The following CPN1 variants were observed in gnomAD, a reference collection of about 807,000 sequenced individuals.
The protein encoded by CPN1 is carboxypeptidase N catalytic chain.
A neutral mutation model predicts 46.4 loss-of-function variants in CPN1; 37 were observed. The ratio of observed to expected loss-of-function variants is 0.80; its 90% CI spans 0.61 to 1.05. The LOEUF is 1.05. Among genes scored for constraint, CPN1 ranks in the 50% least tolerant of loss-of-function variants. CPN1 has a pLI of 0.00. For missense variants in CPN1, 563 were observed against 602.6 expected, an observed-to-expected ratio of 0.93 and a Z score of 0.69; for synonymous variants, 224 against 235.4, an observed-to-expected ratio of 0.95 and a Z score of 0.44.
rs755335719 is a variant in CPN1 at position 100,069,810 on chromosome 10, G to A, written c.480C>T (p.Asn160=). ...GRNNANGVDL[N]RNFPDLNTYI... ...AGGTATTGAGATCAGGGAAGTTGCG[G>A]TTCAGGTCCACTCCATTTGCATTGT... The change falls in exon 3 of 9, where the codon AAC becomes AAT. Residue 160 remains asparagine (N), a synonymous_variant. Transcript: ENST00000370418. The A allele has an allele frequency of 1.2e-6, 2 of 1,613,824 alleles. No individual in the cohort carries two copies. Among genetic ancestry groups the A allele is most frequent in the East Asian group, 2.2e-5 (1 of 44,862 alleles).
intron 2 of CPN1, among the ~76,000 whole-genome samples, chr10:100,070,450 A>G (rs1012060912): frequency 3.9e-5 from 6 of 152,080 alleles, no homozygotes; most frequent in African/African-American, 1.4e-4. Flanking sequence ...CCATTGCACT[A>G]CAGCCTGGGT....
chr10:100,069,129 T>C (rs1276831329), intron 3 of CPN1, among the ~76,000 whole-genome samples: 2 of 152,194 alleles, frequency 1.3e-5, no homozygotes, highest in Non-Finnish European at 2.9e-5. Flanking sequence ...TCTGGAAAAT[T>C]GTTAAGAACC....
At chr10:100,064,532 C>T (rs1021529871) in intron 4 of CPN1, among the ~76,000 whole-genome samples, 3 of 151,342 alleles carry the variant, frequency 2.0e-5, no homozygotes, top group Non-Finnish European at 2.9e-5. Context: ...AGGCACCCAC[C>T]ACCGTGCCTG....
At chr10:100,048,981 C>G (rs765185357) in intron 7 of CPN1, 105 bp from the exon 8 acceptor site, 2 of 802,886 alleles carry the variant, frequency 2.5e-6, no homozygotes, top group East Asian at 3.0e-5. Context: ...TTTTTTGAGA[C>G]GGGGTCTTGC....
intron 1 of CPN1, 79 bp from the exon 2 acceptor site, chr10:100,076,186 T>C (rs1194419553): frequency 1.5e-6 from 2 of 1,368,466 alleles, no homozygotes; most frequent in Non-Finnish European, 2.1e-6. Flanking sequence ...TTTTTCTCTT[T>C]TTCAGTAACG....
chr10:100,043,932 T>C (rs1396858119), intron 8 of CPN1, among the ~76,000 whole-genome samples: 1 of 152,122 alleles, frequency 6.6e-6, no homozygotes, highest in African/African-American at 2.4e-5. Flanking sequence ...TGTGGGACAT[T>C]CTGGGTGTGG....
chr10:100,079,851 A>G (rs2041534173), intron 1 of CPN1, among the ~76,000 whole-genome samples: 1 of 152,180 alleles, frequency 6.6e-6, no homozygotes. Context: ...TTGGGAGGCC[A>G]AGGCGGGTGG....
At chr10:100,064,209 A>C (rs570086819) in intron 4 of CPN1, among the ~76,000 whole-genome samples, 1 of 152,174 alleles carries the variant, frequency 6.6e-6, no homozygotes, top group South Asian at 2.1e-4. Context: ...GGAGAGGAAT[A>C]TATTTGAACT....
At chr10:100,068,193 T>A (rs1440882714) in intron 3 of CPN1, among the ~76,000 whole-genome samples, 3 of 143,620 alleles carry the variant, frequency 2.1e-5, no homozygotes, top group East Asian at 2.1e-4. Context: ...AAGAAAAAAC[T>A]AAGGGTTAGA....
intron 8 of CPN1, among the ~76,000 whole-genome samples, chr10:100,045,848 T>C (rs533127717): frequency 3.3e-5 from 5 of 152,100 alleles, no homozygotes; most frequent in South Asian, 2.1e-4. Flanking sequence ...ATTGTGTTAA[T>C]AGGGAAAGGT....
At chr10:100,075,850 C>T in intron 2 of CPN1, 61 bp downstream of exon 2, 7 of 1,537,982 alleles carry the variant, frequency 4.6e-6, no homozygotes, top group Non-Finnish European at 5.4e-6. Flanking sequence ...ATCTTGTCCA[C>T]TGGACTTTAT....
chr10:100,056,903 A>G (rs746044272), intron 6 of CPN1, 110 bp downstream of exon 6: 2 of 1,345,730 alleles, frequency 1.5e-6, no homozygotes, highest in African/African-American at 2.9e-5. Context: ...GCCCAGATCT[A>G]TTGGACTGAG....
intron 1 of CPN1, among the ~76,000 whole-genome samples, chr10:100,077,378 C>T (rs147957736): frequency 0.01 from 1,576 of 151,982 alleles, 10 homozygotes; most frequent in Non-Finnish European, 0.017. Context: ...CTACAGGTGC[C>T]TGCCACCACA....
At chr10:100,063,519 C>T (rs2041433358) in intron 5 of CPN1, 95 bp downstream of exon 5, 3 of 956,950 alleles carry the variant, frequency 3.1e-6, no homozygotes. Flanking sequence ...AAATTCTATG[C>T]TATTCCCATT....
intron 5 of CPN1, among the ~76,000 whole-genome samples, chr10:100,059,688 C>CA (rs1333674626): frequency 1.3e-5 from 2 of 151,460 alleles, no homozygotes; most frequent in African/African-American, 4.9e-5. Flanking sequence ...GGTAGTTCCT[C>CA]AAAAAAATTA....
At chr10:100,056,895 C>T (rs1184813398) in intron 6 of CPN1, 118 bp downstream of exon 6, 2 of 1,247,896 alleles carry the variant, frequency 1.6e-6, no homozygotes, top group East Asian at 4.6e-5. Flanking sequence ...AAGAAGACGC[C>T]CAGATCTATT....
rs1589481488 is a variant in CPN1, at chr10:100,081,526, T to G, written c.100A>C (p.Thr34Pro). 1 of 1,614,092 alleles carries G rather than the reference T, an allele frequency of 6.2e-7. No individual in the cohort carries two copies. Among genetic ancestry groups the G allele is most frequent in the Non-Finnish European group, 8.5e-7 (1 of 1,180,016 alleles). ...CATTCGTTTTGCACCTTGTACAGCG[T>G]CCGCACAAGATCATCATAGCGGTGG... ...RHHRYDDLVR[T>P]LYKVQNECPG... Residue 34 changes from threonine (T) to proline (P), a missense_variant, in exon 1 of 9, where the codon ACG becomes CCG. Coordinates refer to ENST00000370418, the MANE Select transcript of CPN1 (RefSeq NM_001308.3).
chr10:100,057,084 A>T lies in CPN1; in HGVS notation c.940T>A (p.Phe314Ile). ...CGCTGTAACTCCTCTTCGGGGGGAA[A>T]CTTGTCGCAACTCAGTTCCAGCGTG... ...EITLELSCDK[F>I]PPEEELQREW... Residue 314 changes from phenylalanine to isoleucine, a missense_variant, in exon 6 of 9, where the codon TTT (phenylalanine) becomes ATT (isoleucine). Coordinates refer to ENST00000370418, the MANE Select transcript of CPN1 (RefSeq NM_001308.3). 2 of 1,614,092 alleles carry T rather than the reference A, an allele frequency of 1.2e-6. No individual in the cohort carries two copies. Among genetic ancestry groups the T allele is most frequent in the Non-Finnish European group, 1.7e-6 (2 of 1,180,018 alleles).
At chr10:100,069,617 T>C (rs1377009182) in intron 3 of CPN1, 97 bp downstream of exon 3, 5 of 1,413,644 alleles carry the variant, frequency 3.5e-6, no homozygotes, top group Non-Finnish European at 5.0e-6. Flanking sequence ...TGCTTAATTC[T>C]TGCTTGTTTA....
Sources: gnomAD v4.1 joint callset for allele counts (sites outside exome capture counted in the v4.1 genomes callset) on GRCh38, gnomAD v4.1.1 for gene constraint, MANE v1.5 for transcripts, NCBI Gene and HGNC (gene_info 2026-07-23, HGNC 2026-07-21) for gene names.